SHCBP1: variants seen among roughly 807,000 people sequenced by gnomAD.
SHCBP1 encodes the protein SHC SH2 domain-binding protein 1.
In SHCBP1, 60 loss-of-function variants were observed where a neutral mutation model predicts 75.1. The ratio of observed to expected loss-of-function variants is 0.80; its 90% CI spans 0.65 to 0.99. The LOEUF (loss-of-function observed/expected upper bound fraction) is 0.99. Ranked by LOEUF, SHCBP1 falls within the 50% of genes least tolerant of loss-of-function variation. The probability of loss-of-function intolerance (pLI) is 0.00; values close to 1 mark genes in which losing one functional copy is unlikely to be tolerated. For synonymous variants in SHCBP1, 290 were observed against 293.2 expected (o/e 0.99, Z 0.11); for missense variants, 709 against 809.4 (o/e 0.88, Z 1.50).
rs1964826769 is a variant in SHCBP1, at chr16:46,578,620, AT to A, written c.*3108del. ...GTTTTTAAAATATATATTTTTTTCT[AT>A]TAATAGTGAGAACTAAAAAAAGAGG... On this transcript the variant is annotated 3_prime_UTR_variant, in exon 13 of 13. Coordinates refer to ENST00000303383, the MANE Select transcript of SHCBP1 (RefSeq NM_024745.5). Among the ~76,000 whole-genome samples, 1 of 152,132 alleles carries A rather than the reference AT, an allele frequency of 6.6e-6. No individual in the cohort carries two copies. Among genetic ancestry groups the A allele is most frequent in the Non-Finnish European group, 1.5e-5 (1 of 68,002 alleles).
At chr16:46,583,911 C>T in intron 11 of SHCBP1, 92 bp downstream of exon 11, 1 of 1,220,726 alleles carries the variant, frequency 8.2e-7, no homozygotes, top group Non-Finnish European at 1.2e-6. Flanking sequence ...CTTTTCAAAA[C>T]CAGAAAATAG....
intron 7 of SHCBP1, 141 bp downstream of exon 7, chr16:46,603,834 T>C (rs4967259): frequency 1 from 1,286,498 of 1,290,310 alleles, 641,413 homozygotes; most frequent in East Asian, 1. Context: ...CTACTGCTGA[T>C]GAAAGGCAGG....
chr16:46,612,996 G>A (rs1046536792), intron 4 of SHCBP1, among the ~76,000 whole-genome samples: 7 of 151,994 alleles, frequency 4.6e-5, no homozygotes, highest in Admixed American at 2.0e-4. Flanking sequence ...CGTCTTAACT[G>A]GTCTACCAAT....
Position 46,580,337 on chromosome 16 carries a change from C to G in SHCBP1, c.*1392G>C, listed in dbSNP as rs994074216. ...ACCTTTCAATGATCAAATAATAAATCTAACATAAATCCTACATTTAGTAGC... is the reference window on the plus strand; with the variant it reads ...ACCTTTCAATGATCAAATAATAAATGTAACATAAATCCTACATTTAGTAGC... On this transcript the variant is annotated 3_prime_UTR_variant, in exon 13 of 13. Coordinates refer to ENST00000303383, the MANE Select transcript of SHCBP1 (RefSeq NM_024745.5). Among the ~76,000 whole-genome samples, 10 of 152,078 alleles carry G rather than the reference C, an allele frequency of 6.6e-5. No individual in the cohort carries two copies. The highest frequency in any genetic ancestry group is 1.5e-4 in the Non-Finnish European group (10 of 67,972).
rs527307572 is a variant in SHCBP1, at chr16:46,597,363, G to A, written c.1346-1693C>T. On this transcript the variant is annotated intron_variant, in intron 9 of 12. Transcript: ENST00000303383. The stretch of plus-strand genomic sequence containing the variant: ...TGAGGCTACAGAGAGCTATGATCAT[G>A]CTATTGCACTCTAGCCTAGATGACA... Among the ~76,000 whole-genome samples, 26 of 152,200 alleles carry A rather than the reference G, an allele frequency of 1.7e-4. 1 individual carries two copies. In the South Asian group the frequency reaches 5.0e-3, roughly 29 times the overall value.
At chr16:46,583,423 T>A in intron 12 of SHCBP1, 93 bp downstream of exon 12, 1 of 1,353,648 alleles carries the variant, frequency 7.4e-7, no homozygotes. Context: ...AACAACCTTT[T>A]TTAAGGAAGA....
At chr16:46,585,385 A>G (rs1964940640) in intron 10 of SHCBP1, among the ~76,000 whole-genome samples, 1 of 152,068 alleles carries the variant, frequency 6.6e-6, no homozygotes, top group African/African-American at 2.4e-5. Context: ...AATGGAGAGA[A>G]GAAGGCAGAC....
chr16:46,601,191 C>A (rs1965230879), intron 8 of SHCBP1, among the ~76,000 whole-genome samples: 2 of 152,088 alleles, frequency 1.3e-5, no homozygotes, highest in South Asian at 4.1e-4. Flanking sequence ...CACCAGTAAT[C>A]CCAGCAACTC....
chr16:46,589,991 A>G (rs1965016833), intron 10 of SHCBP1, among the ~76,000 whole-genome samples: 3 of 151,978 alleles, frequency 2.0e-5, no homozygotes, highest in African/African-American at 7.3e-5. Flanking sequence ...AATGGAACAG[A>G]ACAGAGCCCT....
In SHCBP1 at chr16:46,604,146, T is replaced by A; in HGVS notation, c.924-3A>T. 1 of 1,613,646 alleles carries A rather than the reference T, an allele frequency of 6.2e-7. No homozygotes were observed. Among genetic ancestry groups the A allele is most frequent in the Non-Finnish European group, 8.5e-7 (1 of 1,179,894 alleles). ...TCTTCTGATAACCAAACACATACCT[T>A]AAAGAAACGAAACAGGCCTATCAGT... On this transcript the variant is annotated splice_region_variant and splice_polypyrimidine_tract_variant and intron_variant, in intron 6 of 12. Coordinates refer to ENST00000303383, the MANE Select transcript of SHCBP1 (RefSeq NM_024745.5).
intron 11 of SHCBP1, 131 bp downstream of exon 11, chr16:46,583,872 A>AT (rs1255052128): frequency 4.4e-6 from 4 of 907,506 alleles, no homozygotes; most frequent in Non-Finnish European, 3.3e-6. Flanking sequence ...CCAATCACTG[A>AT]TATTATCAAA....
At chr16:46,605,904 T>C (rs1156979066) in intron 5 of SHCBP1, among the ~76,000 whole-genome samples, 2 of 151,648 alleles carry the variant, frequency 1.3e-5, no homozygotes, top group Non-Finnish European at 2.9e-5. Context: ...TAGGTGAAGC[T>C]TGAAAAGCAA....
In SHCBP1 at chr16:46,601,047, G is replaced by A. The variant is rs893648046; in HGVS notation, c.1214-1085C>T. ...ATCTCAGTGAGGTGCAGTGGCTCAC[G>A]CCTATAATCCTAGCACTTTGGGAGG... is the stretch of plus-strand genomic sequence containing the variant. On this transcript the variant is annotated intron_variant, in intron 8 of 12. Coordinates refer to ENST00000303383, the MANE Select transcript of SHCBP1 (RefSeq NM_024745.5). Among the ~76,000 whole-genome samples, 6 of 150,332 alleles carry A rather than the reference G, an allele frequency of 4.0e-5. No individual in the cohort carries two copies. The East Asian group carries it at 5.9e-4, about 15-fold the overall frequency.
At position 46,603,659 on chromosome 16, in the gene SHCBP1, A is replaced by G; in HGVS notation, c.1093T>C (p.Phe365Leu). 2 of 1,614,124 alleles carry G rather than the reference A, an allele frequency of 1.2e-6. No homozygotes were observed. Among genetic ancestry groups the G allele is most frequent in the East Asian group, 2.2e-5 (1 of 44,878 alleles). The change falls in exon 8 of 13, where the codon TTC (phenylalanine) becomes CTC (leucine). Residue 365 changes from phenylalanine (F) to leucine (L), a missense_variant and splice_region_variant. Transcript: ENST00000303383. ...ATAGCAGACAATGGATCACTATGGAACTAGAAAACAATAAGAACACATTTG... is the reference window on the plus strand; with the variant it reads ...ATAGCAGACAATGGATCACTATGGAGCTAGAAAACAATAAGAACACATTTG... ...EPGEEEREIQ[F>L]HSDPLSAINA...
At chr16:46,598,375 T>C (rs1460315204) in intron 9 of SHCBP1, among the ~76,000 whole-genome samples, 1 of 152,214 alleles carries the variant, frequency 6.6e-6, no homozygotes, top group Non-Finnish European at 1.5e-5. Flanking sequence ...TTAGCAGGCA[T>C]GAAAACAACA....
rs1470127851 is a variant in SHCBP1 at position 46,579,071 on chromosome 16, A to G, written c.*2658T>C. ...ATCTATGGTGCAATAATACAACAAG[A>G]AACTGAAGAAGGGAAATACATCTAA... is the stretch of plus-strand genomic sequence containing the variant. On this transcript the variant is annotated 3_prime_UTR_variant, in exon 13 of 13. Transcript: ENST00000303383. 2.0e-5 allele frequency among the ~76,000 whole-genome samples: 3 copies of G among 152,248 alleles called. No homozygotes were observed.
At chr16:46,585,635 C>G (rs1472018645) in intron 10 of SHCBP1, among the ~76,000 whole-genome samples, 1 of 152,144 alleles carries the variant, frequency 6.6e-6, no homozygotes, top group Admixed American at 6.5e-5. Flanking sequence ...TCATCCCCAC[C>G]AACCACAGTT....
chr16:46,620,346 A>C (rs1965566632), intron 1 of SHCBP1: 1 of 152,136 alleles, frequency 6.6e-6, no homozygotes, highest in South Asian at 2.1e-4. Context: ...GCATAACTGA[A>C]ACTTTGGACC....
intron 10 of SHCBP1, among the ~76,000 whole-genome samples, chr16:46,585,273 A>G (rs1366993231): frequency 6.6e-6 from 1 of 152,168 alleles, no homozygotes; most frequent in Non-Finnish European, 1.5e-5. Flanking sequence ...GTAACTGAGG[A>G]GCCTGCCACT....
Sources: allele counts gnomAD v4.1 joint callset (sites outside exome capture counted in the v4.1 genomes callset), GRCh38; gene constraint gnomAD v4.1.1; transcripts MANE v1.5; gene names NCBI Gene and HGNC (gene_info 2026-07-23, HGNC 2026-07-21).